Variants in BMP6 observed in about 807,000 individuals in gnomAD.
The protein encoded by BMP6 is VG-1-R.
Under a neutral mutation model 54.1 loss-of-function variants are expected in BMP6, and 17 were observed. The ratio of observed to expected loss-of-function variants is 0.31; its 90% CI spans 0.22 to 0.47. The LOEUF (loss-of-function observed/expected upper bound fraction) is 0.47, where lower values mean the gene tolerates loss of function less well. Among genes scored for constraint, BMP6 ranks in the 20% least tolerant of loss-of-function variants. BMP6 has a pLI of 1.00. For missense variants in BMP6, 720 were observed against 690.4 expected, an observed-to-expected ratio of 1.04 and a Z score of -0.48; for synonymous variants, 328 against 291.2, an observed-to-expected ratio of 1.13 and a Z score of -1.28.
At chr6:7,751,947 G>A (rs1287817308) in intron 1 of BMP6, among the ~76,000 whole-genome samples, 3 of 152,108 alleles carry the variant, frequency 2.0e-5, no homozygotes, top group Non-Finnish European at 4.4e-5. Context: ...ATTCTAAGCT[G>A]GGGTCCTTTA....
At chr6:7,805,078 A>G (rs534051590) in intron 1 of BMP6, among the ~76,000 whole-genome samples, 2 of 152,290 alleles carry the variant, frequency 1.3e-5, no homozygotes, top group South Asian at 4.2e-4. Context: ...TATTTATATA[A>G]TACTGTCATT....
At chr6:7,822,370 C>T (rs1758624927) in intron 1 of BMP6, among the ~76,000 whole-genome samples, 1 of 152,192 alleles carries the variant, frequency 6.6e-6, no homozygotes, top group South Asian at 2.1e-4. Flanking sequence ...TCTGCAGAGA[C>T]GGGGTGCATT....
intron 1 of BMP6, among the ~76,000 whole-genome samples, chr6:7,834,631 A>C (rs767581746): frequency 1.3e-5 from 2 of 152,036 alleles, no homozygotes; most frequent in Non-Finnish European, 2.9e-5. Flanking sequence ...ACTTGAGCCC[A>C]GGAGTTCGAG....
At chr6:7,841,909 C>T (rs1758976539) in intron 1 of BMP6, among the ~76,000 whole-genome samples, 1 of 152,112 alleles carries the variant, frequency 6.6e-6, no homozygotes, top group Non-Finnish European at 1.5e-5. Flanking sequence ...AACTGTGCTT[C>T]TGTTTTCTCA....
At chr6:7,751,952 C>G (rs974831317) in intron 1 of BMP6, among the ~76,000 whole-genome samples, 2 of 152,170 alleles carry the variant, frequency 1.3e-5, no homozygotes, top group Admixed American at 6.5e-5. Context: ...AAGCTGGGGT[C>G]CTTTAAGAGC....
At chr6:7,843,206 T>A (rs545541291) in intron 1 of BMP6, among the ~76,000 whole-genome samples, 5 of 152,254 alleles carry the variant, frequency 3.3e-5, no homozygotes, top group Admixed American at 2.6e-4. Context: ...TGGTTGGACT[T>A]CTTCTTGCTT....
intron 1 of BMP6, among the ~76,000 whole-genome samples, chr6:7,832,044 A>G (rs1312307862): frequency 6.6e-6 from 1 of 152,172 alleles, no homozygotes; most frequent in Non-Finnish European, 1.5e-5. Flanking sequence ...TAAGGTAGAC[A>G]CGCAAACAGC....
chr6:7,869,068 C>T (rs756927535), intron 4 of BMP6, among the ~76,000 whole-genome samples: 7 of 152,252 alleles, frequency 4.6e-5, no homozygotes, highest in Admixed American at 1.3e-4. Context: ...GTGACTCAGG[C>T]GCACCCCCCC....
intron 1 of BMP6, among the ~76,000 whole-genome samples, chr6:7,758,245 C>A (rs141851742): frequency 2.6e-5 from 4 of 152,200 alleles, no homozygotes; most frequent in African/African-American, 9.7e-5. Flanking sequence ...TTTGTGAATT[C>A]GTACTGAGAA....
chr6:7,781,467 T>C (rs1757944916), intron 1 of BMP6, among the ~76,000 whole-genome samples: 1 of 151,482 alleles, frequency 6.6e-6, no homozygotes, highest in African/African-American at 2.4e-5. Context: ...GGCCTGGCTG[T>C]GGGAGGCAGT....
chr6:7,845,412 G>A (rs1759046752), intron 2 of BMP6, 80 bp downstream of exon 2: 1 of 1,373,854 alleles, frequency 7.3e-7, no homozygotes, highest in Non-Finnish European at 9.9e-7. Context: ...CCCCAGCTAT[G>A]TCTGTGCAGG....
chr6:7,833,591 A>G (rs1758825021), intron 1 of BMP6, among the ~76,000 whole-genome samples: 1 of 152,208 alleles, frequency 6.6e-6, no homozygotes, highest in Non-Finnish European at 1.5e-5. Flanking sequence ...ACTGTTAACT[A>G]TGATAGGTGA....
chr6:7,786,460 GTTTTTT>G (rs35750746), intron 1 of BMP6, among the ~76,000 whole-genome samples: 2 of 135,152 alleles, frequency 1.5e-5, no homozygotes, highest in South Asian at 2.5e-4. Flanking sequence ...TCTTTAGTCT[GTTTTTT>G]TTTTTTTTTT....
intron 1 of BMP6, among the ~76,000 whole-genome samples, chr6:7,835,892 A>G (rs889535629): frequency 2.0e-5 from 3 of 151,464 alleles, no homozygotes; most frequent in African/African-American, 7.3e-5. Context: ...GCTGGAGTGC[A>G]GTGGCGTGAT....
chr6:7,732,441 T>A (rs1324110417), intron 1 of BMP6, among the ~76,000 whole-genome samples: 1 of 152,230 alleles, frequency 6.6e-6, no homozygotes, highest in Non-Finnish European at 1.5e-5. Context: ...TGGGTATAAA[T>A]CCTTTTTAAA....
intron 1 of BMP6, among the ~76,000 whole-genome samples, chr6:7,819,043 C>T (rs1358346890): frequency 6.6e-6 from 1 of 152,040 alleles, no homozygotes; most frequent in Non-Finnish European, 1.5e-5. Context: ...TGAAAATTGG[C>T]TGGAGCAGAA....
intron 1 of BMP6, among the ~76,000 whole-genome samples, chr6:7,827,962 G>A (rs561587730): frequency 3.3e-5 from 5 of 152,350 alleles, no homozygotes; most frequent in African/African-American, 1.2e-4. Flanking sequence ...AGTTAACACA[G>A]AAGTTATGTG....
At chr6:7,773,404 A>G (rs1757818841) in intron 1 of BMP6, among the ~76,000 whole-genome samples, 1 of 152,154 alleles carries the variant, frequency 6.6e-6, no homozygotes, top group Non-Finnish European at 1.5e-5. Flanking sequence ...GCATTTTCCT[A>G]GTGAAGGTGG....
chr6:7,861,398 GAAGGAGCTT>G (rs942073833), intron 2 of BMP6, 44 bp from the exon 3 acceptor site: 44 of 1,597,262 alleles, frequency 2.8e-5, no homozygotes, highest in Non-Finnish European at 3.2e-5. Context: ...GAAAGAGTGG[GAAGGAGCTT>G]CAGGCAGTGC....
Sources: gnomAD v4.1 joint callset for allele counts (sites outside exome capture counted in the v4.1 genomes callset) on GRCh38, gnomAD v4.1.1 for gene constraint, MANE v1.5 for transcripts, NCBI Gene and HGNC (gene_info 2026-07-23, HGNC 2026-07-21) for gene names.